Variants in DLC1 observed in about 807,000 individuals in gnomAD.
The protein encoded by DLC1 is rho GTPase-activating protein 7.
A neutral mutation model predicts 140.3 loss-of-function variants in DLC1; 54 were observed. That is an observed-to-expected ratio of 0.38 (90% CI 0.31 to 0.48). The LOEUF (loss-of-function observed/expected upper bound fraction) is 0.48, where lower values mean the gene tolerates loss of function less well. Ranked by LOEUF, DLC1 falls within the 20% of genes least tolerant of loss-of-function variation. The probability of loss-of-function intolerance (pLI) is 0.96; values close to 1 mark genes in which losing one functional copy is unlikely to be tolerated. For synonymous variants in DLC1, 986 were observed against 728.1 expected (o/e 1.35, Z -5.70); for missense variants, 2,536 against 1,907.0 (o/e 1.33, Z -6.14).
intron 5 of DLC1, among the ~76,000 whole-genome samples, chr8:13,303,936 C>T (rs2117514001): frequency 6.6e-6 from 1 of 152,314 alleles, no homozygotes; most frequent in Non-Finnish European, 1.5e-5. Context: ...CTGTCTCCGC[C>T]AGCCATGGCA....
intron 5 of DLC1, among the ~76,000 whole-genome samples, chr8:13,138,050 G>A (rs1431289536): frequency 6.6e-6 from 1 of 152,250 alleles, no homozygotes; most frequent in South Asian, 2.1e-4. Flanking sequence ...ACTGGCTTTG[G>A]TTCCTACTCT....
intron 5 of DLC1, among the ~76,000 whole-genome samples, chr8:13,243,878 A>T (rs1301533439): frequency 6.6e-6 from 1 of 152,000 alleles, no homozygotes; most frequent in African/African-American, 2.4e-5. Context: ...GTATCTTTTG[A>T]CTGTCCCTCT....
At chr8:13,572,420 T>C (rs949406798) in intron 1 of DLC1, among the ~76,000 whole-genome samples, 2 of 152,172 alleles carry the variant, frequency 1.3e-5, no homozygotes, top group South Asian at 2.1e-4. Context: ...GCAAGTATTT[T>C]CTCTTGTTCT....
intron 5 of DLC1, among the ~76,000 whole-genome samples, chr8:13,220,943 G>A (rs181421545): frequency 9.2e-5 from 14 of 152,332 alleles, no homozygotes; most frequent in East Asian, 3.9e-4. Context: ...AAGACAGGCT[G>A]TGGGCAGAGT....
chr8:13,091,183 A>G (rs1818039260), intron 14 of DLC1, 135 bp downstream of exon 14: 2 of 678,184 alleles, frequency 2.9e-6, no homozygotes, highest in African/African-American at 3.6e-5. Flanking sequence ...TGTAAATAAG[A>G]CATTCTCAGG....
At chr8:13,129,747 GT>G (rs1821923044) in intron 5 of DLC1, among the ~76,000 whole-genome samples, 1 of 152,204 alleles carries the variant, frequency 6.6e-6, no homozygotes, top group Admixed American at 6.5e-5. Flanking sequence ...ATGGGGCCAG[GT>G]TTTGCTATGA....
chr8:13,539,795 T>A (rs894702392), intron 1 of DLC1, among the ~76,000 whole-genome samples: 1 of 151,600 alleles, frequency 6.6e-6, no homozygotes, highest in African/African-American at 2.4e-5. Context: ...ATAGTTTGAA[T>A]GTTGAGAAAA....
chr8:13,412,946 A>AT (rs1018283393), intron 2 of DLC1, among the ~76,000 whole-genome samples: 5 of 151,512 alleles, frequency 3.3e-5, no homozygotes, highest in Non-Finnish European at 7.4e-5. Context: ...AAAAAAAAAA[A>AT]AAAAAAAATG....
At chr8:13,288,452 T>C (rs934745323) in intron 5 of DLC1, among the ~76,000 whole-genome samples, 3 of 152,346 alleles carry the variant, frequency 2.0e-5, no homozygotes, top group East Asian at 1.9e-4. Context: ...GGCTGCTCAA[T>C]TGCATCACTG....
chr8:13,333,376 C>T (rs1671366), intron 4 of DLC1, among the ~76,000 whole-genome samples: 130,098 of 152,004 alleles, frequency 0.86, 56,096 homozygotes, highest in East Asian at 0.95. Flanking sequence ...CACCTGAGCA[C>T]CACCGTGCCT....
At chr8:13,567,214 G>T (rs1030766389) in intron 1 of DLC1, 15 of 1,551,454 alleles carry the variant, frequency 9.7e-6, no homozygotes, top group East Asian at 2.4e-5. Flanking sequence ...TGAGCTTTTG[G>T]ACTATAAAAA....
At chr8:13,241,823 G>A (rs1412158846) in intron 5 of DLC1, among the ~76,000 whole-genome samples, 1 of 152,080 alleles carries the variant, frequency 6.6e-6, no homozygotes, top group Non-Finnish European at 1.5e-5. Flanking sequence ...AGCCAGTTTG[G>A]TATATCCAGA....
intron 1 of DLC1, among the ~76,000 whole-genome samples, chr8:13,583,103 G>A (rs1251388135): frequency 6.6e-6 from 1 of 151,778 alleles, no homozygotes; most frequent in Non-Finnish European, 1.5e-5. Context: ...TGAGGTGTCT[G>A]TGACAGTTTT....
intron 5 of DLC1, among the ~76,000 whole-genome samples, chr8:13,156,459 G>C (rs1377862245): frequency 6.6e-6 from 1 of 152,132 alleles, no homozygotes; most frequent in Non-Finnish European, 1.5e-5. Flanking sequence ...GTTCTGTTGT[G>C]TGAGTTGCCC....
intron 2 of DLC1, among the ~76,000 whole-genome samples, chr8:13,403,559 G>C (rs1225942828): frequency 6.6e-6 from 1 of 152,142 alleles, no homozygotes; most frequent in Non-Finnish European, 1.5e-5. Flanking sequence ...GTGTAACGGA[G>C]GCCTCTGTCA....
At chr8:13,412,535 T>C (rs929643356) in intron 2 of DLC1, among the ~76,000 whole-genome samples, 6 of 152,178 alleles carry the variant, frequency 3.9e-5, no homozygotes, top group Non-Finnish European at 7.3e-5. Context: ...TAATGAGTTA[T>C]GGCACCATCA....
intron 5 of DLC1, among the ~76,000 whole-genome samples, chr8:13,274,443 T>C (rs1429955225): frequency 6.6e-6 from 1 of 152,238 alleles, no homozygotes; most frequent in African/African-American, 2.4e-5. Context: ...AAAGAATTAT[T>C]TCCCGCAATG....
intron 1 of DLC1, among the ~76,000 whole-genome samples, chr8:13,524,108 TTTATTA>T (rs77161996): frequency 0.23 from 32,038 of 138,392 alleles, 3,852 homozygotes; most frequent in African/African-American, 0.25. Flanking sequence ...ATCTATTCTA[TTTATTA>T]TTATTATTAT....
intron 5 of DLC1, chr8:13,133,195 C>G: frequency 7.0e-7 from 1 of 1,425,108 alleles, no homozygotes; most frequent in Non-Finnish European, 9.1e-7. Context: ...GGGAGTTGGG[C>G]GAGAAGTCCG....
Sources: allele counts gnomAD v4.1 joint callset (sites outside exome capture counted in the v4.1 genomes callset), GRCh38; gene constraint gnomAD v4.1.1; transcripts MANE v1.5; gene names NCBI Gene and HGNC (gene_info 2026-07-23, HGNC 2026-07-21).